ITGA4: variants seen among roughly 807,000 people sequenced by gnomAD.
ITGA4 encodes integrin subunit alpha 4.
Under a neutral mutation model 133.6 loss-of-function variants are expected in ITGA4, and 63 were observed. The observed-to-expected ratio is 0.47, with a 90% CI of 0.38 to 0.58. The LOEUF is 0.58. Among genes scored for constraint, ITGA4 ranks in the 20% least tolerant of loss-of-function variants. The probability of loss-of-function intolerance (pLI) is 0.00; values close to 1 mark genes in which losing one functional copy is unlikely to be tolerated. For missense variants in ITGA4, 1,076 were observed against 1,252.7 expected (o/e 0.86, Z 2.13); for synonymous variants, 483 against 438.0 (o/e 1.10, Z -1.28).
intron 10 of ITGA4, among the ~76,000 whole-genome samples, chr2:181,488,993 C>A (rs907047265): frequency 6.6e-6 from 1 of 152,292 alleles, no homozygotes; most frequent in African/African-American, 2.4e-5. Flanking sequence ...TATTCCATTC[C>A]ACCATGTCTG....
At chr2:181,534,469 A>G (rs567100222) in intron 26 of ITGA4, 99 bp downstream of exon 26, 6 of 784,282 alleles carry the variant, frequency 7.7e-6, no homozygotes, top group African/African-American at 3.5e-5. Context: ...TTGGGAAAGT[A>G]GAGTGTGACC....
intron 17 of ITGA4, among the ~76,000 whole-genome samples, chr2:181,512,686 G>A (rs982929944): frequency 3.3e-5 from 5 of 151,998 alleles, no homozygotes; most frequent in East Asian, 1.9e-4. Flanking sequence ...ATCAGATAAC[G>A]TAATGTCTAA....
intron 17 of ITGA4, among the ~76,000 whole-genome samples, chr2:181,521,193 C>T (rs1299436072): frequency 6.6e-6 from 1 of 152,080 alleles, no homozygotes; most frequent in Non-Finnish European, 1.5e-5. Context: ...TACTAGATAT[C>T]TAAGAACTTC....
intron 9 of ITGA4, among the ~76,000 whole-genome samples, chr2:181,484,238 G>A (rs1685865377): frequency 6.6e-6 from 1 of 152,176 alleles, no homozygotes; most frequent in Non-Finnish European, 1.5e-5. Flanking sequence ...ACAAGTAGGT[G>A]AAATTGTTTT....
At chr2:181,468,251 C>T (rs553110153) in intron 2 of ITGA4, among the ~76,000 whole-genome samples, 1 of 152,214 alleles carries the variant, frequency 6.6e-6, no homozygotes, top group East Asian at 1.9e-4. Context: ...CCTTTCAGAC[C>T]ATCTGTTACT....
chr2:181,519,274 A>G (rs1359945156), intron 17 of ITGA4, among the ~76,000 whole-genome samples: 1 of 152,164 alleles, frequency 6.6e-6, no homozygotes, highest in Non-Finnish European at 1.5e-5. Flanking sequence ...ACCAAGTTAT[A>G]TTATTAAAAA....
At chr2:181,484,161 A>G (rs997357870) in intron 9 of ITGA4, among the ~76,000 whole-genome samples, 2 of 152,172 alleles carry the variant, frequency 1.3e-5, no homozygotes, top group Non-Finnish European at 2.9e-5. Context: ...TGTAGTATAG[A>G]TGCCTTGTGG....
intron 10 of ITGA4, among the ~76,000 whole-genome samples, chr2:181,492,846 TAA>T (rs1686079857): frequency 6.6e-6 from 1 of 152,226 alleles, no homozygotes; most frequent in South Asian, 2.1e-4. Context: ...ACTCCCAAAA[TAA>T]AAATTCTTAT....
chr2:181,516,167 A>C lies in ITGA4; in HGVS notation c.1922+4392A>C, dbSNP rs1181555411. 6.6e-6 allele frequency among the ~76,000 whole-genome samples: 1 copy of C among 152,032 alleles called. No homozygotes were observed. The highest frequency in any genetic ancestry group is 1.9e-4 in the East Asian group (1 of 5,170). ...CATCACATAGGGAGTTTAAAATCAA[A>C]TCCTTGAAACTCATGTAAATGATAC... On this transcript the variant is annotated intron_variant, in intron 17 of 27. Coordinates refer to ENST00000397033, the MANE Select transcript of ITGA4 (RefSeq NM_000885.6). This position sits in a 1 kb window ranked among gnomAD's most constrained non-coding sequence, Gnocchi z 4.0.
intron 9 of ITGA4, 70 bp from the exon 10 acceptor site, chr2:181,485,811 T>A (rs1685901436): frequency 9.9e-6 from 13 of 1,316,258 alleles, no homozygotes; most frequent in Non-Finnish European, 1.4e-5. Flanking sequence ...CATATCCAAT[T>A]ACAACAGTAA....
At chr2:181,526,934 C>T (rs985489911) in intron 21 of ITGA4, among the ~76,000 whole-genome samples, 3 of 144,708 alleles carry the variant, frequency 2.1e-5, no homozygotes, top group Non-Finnish European at 3.0e-5. Flanking sequence ...CGGGTTCAAG[C>T]GATTCTCCTG....
intron 25 of ITGA4, among the ~76,000 whole-genome samples, chr2:181,534,001 T>C (rs1182301808): frequency 1.3e-5 from 2 of 152,166 alleles, no homozygotes; most frequent in African/African-American, 2.4e-5. Context: ...CAATGGTAAA[T>C]GGTAACTTAC....
At chr2:181,517,637 C>A (rs142096271) in intron 17 of ITGA4, among the ~76,000 whole-genome samples, 1 of 152,146 alleles carries the variant, frequency 6.6e-6, no homozygotes, top group African/African-American at 2.4e-5. Flanking sequence ...ACATAGGAAG[C>A]TGGTAGGTAT....
At chr2:181,500,985 G>T (rs1258267913) in intron 15 of ITGA4, among the ~76,000 whole-genome samples, 1 of 152,170 alleles carries the variant, frequency 6.6e-6, no homozygotes, top group African/African-American at 2.4e-5. Flanking sequence ...GTGAAGCGGA[G>T]AATTTTAAAT....
chr2:181,467,187 G>A (rs1427665505), intron 2 of ITGA4, among the ~76,000 whole-genome samples: 1 of 151,646 alleles, frequency 6.6e-6, no homozygotes. Context: ...AATTTGAAAT[G>A]TATGGGTTTT....
At chr2:181,489,849 G>A (rs1686005504) in intron 10 of ITGA4, among the ~76,000 whole-genome samples, 1 of 152,066 alleles carries the variant, frequency 6.6e-6, no homozygotes, top group Admixed American at 6.6e-5. Flanking sequence ...AATGTAGCAG[G>A]ACGAGCCACA....
Position 181,536,546 on chromosome 2 carries a change from T to TACAAGTATAAGTGTTTACAAGTATAAGTG in ITGA4, c.*1034_*1035insTACAAGTATAAGTGACAAGTATAAGTGTT, listed in dbSNP as rs386391998. Reference sequence around the variant, plus strand: ...TTGGATGTAATTCTTTGTTACCCTTTACAAGTATAAGTGTTACCTTACATG... The same window carrying TACAAGTATAAGTGTTTACAAGTATAAGTG: ...TTGGATGTAATTCTTTGTTACCCTTTACAAGTATAAGTGTTTACAAGTATAAGTGACAAGTATAAGTGTTACCTTACATG... On this transcript the variant is annotated 3_prime_UTR_variant, in exon 28 of 28. Coordinates refer to ENST00000397033, the MANE Select transcript of ITGA4 (RefSeq NM_000885.6). 6.1e-6 allele frequency: 1 copy of TACAAGTATAAGTGTTTACAAGTATAAGTG among 164,328 alleles called. No homozygotes were observed. Among genetic ancestry groups the TACAAGTATAAGTGTTTACAAGTATAAGTG allele is most frequent in the African/African-American group, 2.4e-5 (1 of 41,466 alleles). 10.2% of individuals were successfully genotyped at this position (164,328 alleles called of 1,614,324 possible).
intron 17 of ITGA4, among the ~76,000 whole-genome samples, chr2:181,517,524 C>T (rs181659128): frequency 5.9e-5 from 9 of 152,144 alleles, no homozygotes; most frequent in Admixed American, 6.6e-5. Flanking sequence ...TTCAAGTCTG[C>T]ATTATGCATG....
Position 181,523,300 on chromosome 2 carries a change from A to G in ITGA4, c.2074-137A>G, listed in dbSNP as rs1686759987. On this transcript the variant is annotated intron_variant, in intron 18 of 27. Transcript: ENST00000397033. This position sits in a 1 kb window ranked among gnomAD's most constrained non-coding sequence, Gnocchi z 4.2. ...TATCATATGTCTATTTATCTCAAAC[A>G]TATAAATAGAAAATAGTTTTCCTAG... The G allele has an allele frequency of 1.4e-5, 8 of 583,430 alleles. No homozygotes were observed. Among genetic ancestry groups the G allele is most frequent in the African/African-American group, 1.9e-5 (1 of 53,364 alleles). 36.1% of individuals were successfully genotyped at this position (583,430 alleles called of 1,614,324 possible). A position where few individuals can be genotyped will look rare whatever the true frequency, so the allele number is the denominator to read the frequency against.
Sources: gnomAD v4.1 joint callset for allele counts (sites outside exome capture counted in the v4.1 genomes callset) on GRCh38, gnomAD v4.1.1 for gene constraint, Gnocchi (gnomAD v3.1) non-coding constraint, MANE v1.5 for transcripts, NCBI Gene and HGNC (gene_info 2026-07-23, HGNC 2026-07-21) for gene names.